The following DPT variants were observed in gnomAD, a reference collection of about 807,000 sequenced individuals.
DPT encodes the protein tyrosine-rich acidic matrix protein.
In DPT, 21 loss-of-function variants were observed where a neutral mutation model predicts 31.2. The ratio of observed to expected loss-of-function variants is 0.67; its 90% CI spans 0.48 to 0.97. DPT has a LOEUF of 0.97. Ranked by LOEUF, DPT falls within the 50% of genes least tolerant of loss-of-function variation. The probability of loss-of-function intolerance (pLI) is 0.00; values close to 1 mark genes in which losing one functional copy is unlikely to be tolerated. For missense variants in DPT, 262 were observed against 258.8 expected, an observed-to-expected ratio of 1.01 and a Z score of -0.08; for synonymous variants, 91 against 86.9, an observed-to-expected ratio of 1.05 and a Z score of -0.26.
intron 1 of DPT, among the ~76,000 whole-genome samples, chr1:168,722,512 C>T (rs1650140386): frequency 6.6e-6 from 1 of 152,134 alleles, no homozygotes; most frequent in Non-Finnish European, 1.5e-5. Flanking sequence ...GTGCTTAGCA[C>T]TATGCGTGCA....
chr1:168,706,580 C>T (rs573457955), intron 2 of DPT, among the ~76,000 whole-genome samples: 2 of 152,174 alleles, frequency 1.3e-5, no homozygotes, highest in African/African-American at 2.4e-5. Flanking sequence ...CAAGCGGGAC[C>T]TCTGGTAGTC....
intron 1 of DPT, among the ~76,000 whole-genome samples, chr1:168,717,064 A>T (rs931003158): frequency 2.6e-5 from 4 of 152,244 alleles, no homozygotes; most frequent in African/African-American, 9.6e-5. Context: ...CTTTGGGTAT[A>T]TACCCATTAA....
At chr1:168,712,482 C>T (rs1477426942) in intron 2 of DPT, among the ~76,000 whole-genome samples, 1 of 152,190 alleles carries the variant, frequency 6.6e-6, no homozygotes, top group Non-Finnish European at 1.5e-5. Context: ...GTTTTGCTTG[C>T]TCTTTCAGGT....
chr1:168,728,778 T>A, intron 1 of DPT, 92 bp downstream of exon 1: 2 of 1,494,256 alleles, frequency 1.3e-6, no homozygotes, highest in South Asian at 2.5e-5. Context: ...AGGCTTTGGT[T>A]ACTGATATTC....
At position 168,701,014 on chromosome 1, in the gene DPT, C is replaced by T; in HGVS notation, c.539+3G>A. On this transcript the variant is annotated splice_donor_region_variant and intron_variant, in intron 3 of 3. Coordinates refer to ENST00000367817, the MANE Select transcript of DPT (RefSeq NM_001937.5). ...CCCATTGGGAAGGGGCTGTCTTTCT[C>T]ACCTTTCCACTGCAGAGAAAGTGGT... 4.3e-6 allele frequency: 7 copies of T among 1,611,292 alleles called. No individual in the cohort carries two copies. The highest frequency in any genetic ancestry group is 1.7e-5 in the Admixed American group (1 of 59,952).
intron 2 of DPT, among the ~76,000 whole-genome samples, chr1:168,708,392 C>T (rs115120762): frequency 0.026 from 3,991 of 152,150 alleles, 178 homozygotes; most frequent in African/African-American, 0.09. Context: ...ACAATGAGTG[C>T]TATGTACATC....
intron 2 of DPT, among the ~76,000 whole-genome samples, chr1:168,709,656 T>A (rs1450760530): frequency 6.6e-6 from 1 of 152,226 alleles, no homozygotes; most frequent in Non-Finnish European, 1.5e-5. Context: ...GCGCTAGATA[T>A]TCACTTAGCT....
At chr1:168,721,390 C>A (rs1270273720) in intron 1 of DPT, among the ~76,000 whole-genome samples, 1 of 152,110 alleles carries the variant, frequency 6.6e-6, no homozygotes. Flanking sequence ...TAGAACCTGG[C>A]ACAACGTATA....
intron 1 of DPT, among the ~76,000 whole-genome samples, chr1:168,724,955 G>A (rs1017542679): frequency 6.6e-6 from 1 of 152,168 alleles, no homozygotes; most frequent in Non-Finnish European, 1.5e-5. Context: ...GGGGTAAAAA[G>A]TAGATACCAA....
intron 3 of DPT, among the ~76,000 whole-genome samples, chr1:168,699,765 T>C (rs1649548572): frequency 6.6e-6 from 1 of 152,200 alleles, no homozygotes; most frequent in African/African-American, 2.4e-5. Context: ...AAAATATTTA[T>C]TGGTAACTTT....
rs17502900 is a variant in DPT at position 168,696,113 on chromosome 1, C to T, written c.*436G>A. 2.5e-3 allele frequency: 1,008 copies of T among 403,214 alleles called. 2 individuals are homozygous for T. The highest frequency in any genetic ancestry group is 2.6e-3 in the Non-Finnish European group (598 of 228,950). 25.0% of individuals were successfully genotyped at this position (403,214 alleles called of 1,614,324 possible). Reference sequence around the variant, plus strand: ...AAGCCTGCTTTTGGTGGGGAACCTACGTATCATTCAAACAGGCTTAGCTGT... The same window carrying T: ...AAGCCTGCTTTTGGTGGGGAACCTATGTATCATTCAAACAGGCTTAGCTGT... On this transcript the variant is annotated 3_prime_UTR_variant, in exon 4 of 4. Coordinates refer to ENST00000367817, the MANE Select transcript of DPT (RefSeq NM_001937.5).
intron 2 of DPT, 24 bp downstream of exon 2, chr1:168,714,197 G>T (rs1451306985): frequency 3.7e-6 from 6 of 1,613,950 alleles, no homozygotes; most frequent in Non-Finnish European, 2.5e-6. Flanking sequence ...GAGTCATGAG[G>T]GTTTGGTCGG....
chr1:168,726,652 G>T (rs1171783139), intron 1 of DPT, among the ~76,000 whole-genome samples: 1 of 152,238 alleles, frequency 6.6e-6, no homozygotes, highest in African/African-American at 2.4e-5. Flanking sequence ...GCTGAGTGCT[G>T]CTTGACTGTG....
intron 2 of DPT, among the ~76,000 whole-genome samples, chr1:168,706,997 G>C (rs643055): frequency 0.16 from 24,119 of 152,164 alleles, 2,522 homozygotes; most frequent in East Asian, 0.46. Context: ...TTTTCTACCA[G>C]ATGCCTACTG....
chr1:168,709,620 G>A, intron 2 of DPT, among the ~76,000 whole-genome samples: 1 of 152,164 alleles, frequency 6.6e-6, no homozygotes, highest in East Asian at 1.9e-4. Flanking sequence ...TGATATTTCT[G>A]AATCCCTAAG....
intron 1 of DPT, among the ~76,000 whole-genome samples, chr1:168,726,490 C>T (rs1408406749): frequency 6.6e-6 from 1 of 152,206 alleles, no homozygotes. Context: ...AGAGATCATG[C>T]AGCCTGACTG....
chr1:168,706,387 A>G (rs1649716928), intron 2 of DPT, among the ~76,000 whole-genome samples: 1 of 152,250 alleles, frequency 6.6e-6, no homozygotes, highest in African/African-American at 2.4e-5. Context: ...TTTCCAAGTA[A>G]GCTATAAGGA....
chr1:168,729,153 C>A lies in DPT; in HGVS notation c.22G>T (p.Val8Leu), dbSNP rs532659905. 6.2e-7 allele frequency: 1 copy of A among 1,613,798 alleles called. No homozygotes were observed. Among genetic ancestry groups the A allele is most frequent in the African/African-American group, 1.3e-5 (1 of 75,038 alleles). ...GCCATGGTGACTAGGGGCAGAAGTA[C>A]CCAGAGAAGACTGAGGTCCATGCTG... MDLSLLW[V>L]LLPLVTMAWG... is the part of the protein sequence containing the mutation. Residue 8 changes from valine (V) to leucine (L), a missense_variant, in exon 1 of 4, where the codon GTA (valine) becomes TTA (leucine). Val to Leu is a conservative substitution (Grantham distance 32, BLOSUM62 1). Transcript: ENST00000367817.
At chr1:168,725,330 C>CTA (rs1650218858) in intron 1 of DPT, among the ~76,000 whole-genome samples, 2 of 150,250 alleles carry the variant, frequency 1.3e-5, no homozygotes, top group African/African-American at 4.9e-5. Flanking sequence ...CCTTCCTTCT[C>CTA]TCTCTCTCTT....
Sources: allele counts gnomAD v4.1 joint callset (sites outside exome capture counted in the v4.1 genomes callset), GRCh38; gene constraint gnomAD v4.1.1; transcripts MANE v1.5; gene names NCBI Gene and HGNC (gene_info 2026-07-23, HGNC 2026-07-21).